Variants in STXBP3 observed in about 807,000 individuals in gnomAD.
The protein encoded by STXBP3 is syntaxin binding protein 3.
In STXBP3, 41 loss-of-function variants were observed where a neutral mutation model predicts 85.7. The ratio of observed to expected loss-of-function variants is 0.48; its 90% CI spans 0.37 to 0.62. The LOEUF is 0.62. Ranked by LOEUF, STXBP3 falls within the 20% of genes least tolerant of loss-of-function variation. The pLI, the probability that STXBP3 is intolerant of heterozygous loss-of-function variation, is 0.00. For missense variants in STXBP3, 563 were observed against 703.1 expected (o/e 0.80, Z 2.25); for synonymous variants, 229 against 231.7 (o/e 0.99, Z 0.10).
chr1:108,766,931 C>T, intron 6 of STXBP3: 1 of 536,162 alleles, frequency 1.9e-6, no homozygotes, highest in South Asian at 1.4e-5. Flanking sequence ...CTGGGGAGGA[C>T]TTCAGTGGCA....
At chr1:108,806,683 C>T (rs554700116) in intron 17 of STXBP3, among the ~76,000 whole-genome samples, 1 of 152,262 alleles carries the variant, frequency 6.6e-6, no homozygotes, top group African/African-American at 2.4e-5. Context: ...CAACCTAATA[C>T]TATATCAGCT....
At chr1:108,789,177 T>G (rs1299711878) in intron 11 of STXBP3, among the ~76,000 whole-genome samples, 1 of 152,268 alleles carries the variant, frequency 6.6e-6, no homozygotes, top group South Asian at 2.1e-4. Flanking sequence ...TGATTTTTAC[T>G]CAGTTTTATT....
chr1:108,807,845 G>A (rs1455287034), intron 18 of STXBP3, among the ~76,000 whole-genome samples: 1 of 151,962 alleles, frequency 6.6e-6, no homozygotes, highest in Non-Finnish European at 1.5e-5. Flanking sequence ...CCAAAGTGCT[G>A]GGATTACAGA....
intron 6 of STXBP3, 105 bp from the exon 7 acceptor site, chr1:108,772,553 CATATGAT>C (rs1386011194): frequency 3.3e-6 from 1 of 302,782 alleles, no homozygotes. Context: ...TATATAAATA[CATATGAT>C]ATATATCTAT....
chr1:108,787,654 A>T (rs916150257), intron 11 of STXBP3, among the ~76,000 whole-genome samples: 5 of 152,132 alleles, frequency 3.3e-5, no homozygotes, highest in Non-Finnish European at 7.4e-5. Context: ...TCCCAGCTTT[A>T]TGGGAAATGA....
chr1:108,761,420 C>T (rs1466198502), intron 6 of STXBP3, among the ~76,000 whole-genome samples: 1 of 152,100 alleles, frequency 6.6e-6, no homozygotes, highest in Non-Finnish European at 1.5e-5. Context: ...TCTCGCTTCA[C>T]AGAAGATAAA....
intron 6 of STXBP3, among the ~76,000 whole-genome samples, chr1:108,765,971 G>A (rs951334343): frequency 6.7e-6 from 1 of 149,636 alleles, no homozygotes; most frequent in Non-Finnish European, 1.5e-5. Context: ...TCCTGATTCA[G>A]CCTCCCGAGT....
chr1:108,768,475 A>G (rs1662315984), intron 6 of STXBP3, among the ~76,000 whole-genome samples: 1 of 152,184 alleles, frequency 6.6e-6, no homozygotes, highest in African/African-American at 2.4e-5. Flanking sequence ...GTAGTAATGA[A>G]GAGGGAAAGA....
rs138074139 is a variant in STXBP3 at position 108,767,059 on chromosome 1, G to T, written c.439-5606G>T. The T allele has an allele frequency of 2.4e-5, 9 of 381,552 alleles. No individual in the cohort carries two copies. The East Asian group carries it at 5.9e-4, about 25-fold the overall frequency. 23.6% of individuals were successfully genotyped at this position (381,552 alleles called of 1,614,324 possible). A position where few individuals can be genotyped will look rare whatever the true frequency, so the allele number is the denominator to read the frequency against. On this transcript the variant is annotated intron_variant, in intron 6 of 18. Transcript: ENST00000370008. Reference sequence around the variant, plus strand: ...CAGTCCACAGGTTGTACTCCAAGGAGATTGCAGCATTAATAAAATATGGAA... The same window carrying T: ...CAGTCCACAGGTTGTACTCCAAGGATATTGCAGCATTAATAAAATATGGAA...
chr1:108,793,157 A>ATTTTTTTTTCTTTTT lies in STXBP3; in HGVS notation c.964-416_964-415insCTTTTTTTTTTTTTT, dbSNP rs751400870. Among the ~76,000 whole-genome samples the ATTTTTTTTTCTTTTT allele has an allele frequency of 8.9e-4, 60 of 67,506 alleles. 6 individuals are homozygous for ATTTTTTTTTCTTTTT. Among genetic ancestry groups the ATTTTTTTTTCTTTTT allele is most frequent in the African/African-American group, 1.7e-3 (28 of 16,586 alleles). The allele number at this position is 67,506 out of a possible 152,430, so 44.3% of individuals were successfully genotyped here. On this transcript the variant is annotated intron_variant, in intron 11 of 18. Coordinates refer to ENST00000370008, the MANE Select transcript of STXBP3 (RefSeq NM_007269.4). ...CTCACAGCCCCAAGCTCTTATCTCC[A>ATTTTTTTTTCTTTTT]TTTTTTTTTTTTTTTTTTTTTTTTT... is the stretch of plus-strand genomic sequence containing the variant.
At chr1:108,803,376 G>GT (rs1456585184) in intron 17 of STXBP3, among the ~76,000 whole-genome samples, 1 of 152,168 alleles carries the variant, frequency 6.6e-6, no homozygotes, top group African/African-American at 2.4e-5. Context: ...TTAAAATTCA[G>GT]TTGTATGTGC....
chr1:108,807,033 C>T (rs1471913646), intron 17 of STXBP3, among the ~76,000 whole-genome samples: 1 of 152,138 alleles, frequency 6.6e-6, no homozygotes, highest in African/African-American at 2.4e-5. Context: ...GTAGGCAGAT[C>T]ACGAGGTCAG....
intron 6 of STXBP3, among the ~76,000 whole-genome samples, chr1:108,764,289 C>T (rs1208608797): frequency 6.6e-6 from 1 of 151,930 alleles, no homozygotes; most frequent in Non-Finnish European, 1.5e-5. Context: ...TTTTTTTAAT[C>T]CAGTCTCCCA....
chr1:108,794,110 G>A (rs761552940), intron 12 of STXBP3, among the ~76,000 whole-genome samples: 3 of 152,162 alleles, frequency 2.0e-5, no homozygotes, highest in African/African-American at 4.8e-5. Context: ...TGATTTTTGT[G>A]TGTGTTAAAA....
chr1:108,805,467 C>T (rs1271653979), intron 17 of STXBP3, among the ~76,000 whole-genome samples: 1 of 147,088 alleles, frequency 6.8e-6, no homozygotes, highest in Non-Finnish European at 1.5e-5. Context: ...CTCTGTCACC[C>T]AGGCTAGAGT....
intron 18 of STXBP3, among the ~76,000 whole-genome samples, chr1:108,808,049 A>G (rs1410381889): frequency 6.6e-6 from 1 of 152,170 alleles, no homozygotes; most frequent in Admixed American, 6.5e-5. Flanking sequence ...TTTATTTTAA[A>G]ATGTGCTTAT....
At chr1:108,753,248 A>T (rs1369852535) in intron 3 of STXBP3, 104 bp downstream of exon 3, 25 of 676,540 alleles carry the variant, frequency 3.7e-5, no homozygotes, top group Non-Finnish European at 5.5e-5. Context: ...TTATTTTTTT[A>T]AATTACTGTA....
chr1:108,758,498 AC>A lies in STXBP3; in HGVS notation c.259-10del. ...TTAATAAAATGTGTATTAACATCTA[AC>A]CTTTTTTAAGTCTGTAGATTGTTTC... is the stretch of plus-strand genomic sequence containing the variant. On this transcript the variant is annotated splice_polypyrimidine_tract_variant and intron_variant, in intron 4 of 18. Transcript: ENST00000370008. The A allele has an allele frequency of 7.0e-7, 1 of 1,436,148 alleles. No homozygotes were observed. The highest frequency in any genetic ancestry group is 9.4e-7 in the Non-Finnish European group (1 of 1,058,882). 89.0% of individuals were successfully genotyped at this position (1,436,148 alleles called of 1,614,324 possible).
Position 108,796,299 on chromosome 1 carries a change from A to G in STXBP3, c.1176A>G (p.Pro392=), listed in dbSNP as rs77835748. 2,240 of 1,612,824 alleles carry G rather than the reference A, an allele frequency of 1.4e-3. 24 individuals are homozygous for G. In the African/African-American group the frequency reaches 0.027, roughly 19 times the overall value. ...AAGATTCCATGCGAGTACTCCTTCC[A>G]GTTCTACTCAACAAAAATCATGATA... ...KVKDSMRVLL[P]VLLNKNHDNC... is the part of the protein sequence containing the mutation. The change falls in exon 14 of 19, where the codon CCA becomes CCG. Residue 392 remains proline, a synonymous_variant. Coordinates refer to ENST00000370008, the MANE Select transcript of STXBP3 (RefSeq NM_007269.4).
Sources: gnomAD v4.1 joint callset for allele counts (sites outside exome capture counted in the v4.1 genomes callset) on GRCh38, gnomAD v4.1.1 for gene constraint, MANE v1.5 for transcripts, NCBI Gene and HGNC (gene_info 2026-07-23, HGNC 2026-07-21) for gene names.